The following SLC45A2 variants were observed in gnomAD, a reference collection of about 807,000 sequenced individuals.
The protein encoded by SLC45A2 is membrane-associated transporter protein.
SLC45A2 carries 36 observed loss-of-function variants against 45.5 expected under a neutral mutation model. That is an observed-to-expected ratio of 0.79 (90% CI 0.61 to 1.04). The LOEUF (loss-of-function observed/expected upper bound fraction) is 1.04. Ranked by LOEUF, SLC45A2 falls within the 50% of genes least tolerant of loss-of-function variation. The probability of loss-of-function intolerance (pLI) is 0.00; values close to 1 mark genes in which losing one functional copy is unlikely to be tolerated. For missense variants in SLC45A2, 719 were observed against 671.0 expected, an observed-to-expected ratio of 1.07 and a Z score of -0.79; for synonymous variants, 306 against 269.3, an observed-to-expected ratio of 1.14 and a Z score of -1.33.
At chr5:33,964,316 G>C (rs543328259) in intron 2 of SLC45A2, among the ~76,000 whole-genome samples, 2 of 152,284 alleles carry the variant, frequency 1.3e-5, no homozygotes, top group South Asian at 2.1e-4. Context: ...TGTTCAGGAT[G>C]GGGCCAGACA....
At position 33,982,345 on chromosome 5, in the gene SLC45A2, G is replaced by A. The variant is rs765090898; in HGVS notation, c.453C>T (p.Leu151=). ...CAATGAAGTCGGCAGCAAAATCAAAGAGAACGACACCTATCATGGTGACAC... is the reference window on the plus strand; with the variant it reads ...CAATGAAGTCGGCAGCAAAATCAAAAAGAACGACACCTATCATGGTGACAC... The part of the protein sequence containing the change: ...AISVTMIGVV[L]FDFAADFIDG... Residue 151 remains leucine (L), a synonymous_variant, in exon 2 of 7, where the codon CTC becomes CTT. Coordinates refer to ENST00000296589, the MANE Select transcript of SLC45A2 (RefSeq NM_016180.5). 6.2e-7 allele frequency: 1 copy of A among 1,614,142 alleles called. No homozygotes were observed. Among genetic ancestry groups the A allele is most frequent in the South Asian group, 1.1e-5 (1 of 91,078 alleles).
At chr5:33,981,021 G>A (rs1753058188) in intron 2 of SLC45A2, among the ~76,000 whole-genome samples, 1 of 152,192 alleles carries the variant, frequency 6.6e-6, no homozygotes, top group Non-Finnish European at 1.5e-5. Context: ...CCAGCGGGGT[G>A]GGAGCACCCG....
At chr5:33,962,472 A>C (rs1349924239) in intron 3 of SLC45A2, among the ~76,000 whole-genome samples, 1 of 152,218 alleles carries the variant, frequency 6.6e-6, no homozygotes, top group Non-Finnish European at 1.5e-5. Flanking sequence ...GGAAGGTGAG[A>C]TTCACTGAGC....
intron 2 of SLC45A2, among the ~76,000 whole-genome samples, chr5:33,978,160 T>C (rs576216885): frequency 9.2e-5 from 14 of 152,264 alleles, no homozygotes; most frequent in East Asian, 5.8e-4. Context: ...GTTATAACCC[T>C]TCCCTTTGGA....
At position 33,984,410 on chromosome 5, in the gene SLC45A2, T is replaced by C; in HGVS notation, c.174A>G (p.Pro58=). 2 of 1,613,582 alleles carry C rather than the reference T, an allele frequency of 1.2e-6. No individual in the cohort carries two copies. Among genetic ancestry groups the C allele is most frequent in the Admixed American group, 1.7e-5 (1 of 59,926 alleles). The change falls in exon 1 of 7, where the codon CCA becomes CCG. Residue 58 remains proline, a synonymous_variant. Transcript: ENST00000296589. ...TGGGCAGACCTACGCTGAGCAGGAC[T>C]GGGGTCACATACGCTGCCTCCACCG... ...CYAVEAAYVT[P]VLLSVGLPSS...
intron 2 of SLC45A2, among the ~76,000 whole-genome samples, chr5:33,978,577 T>C (rs1428856619): frequency 6.6e-6 from 1 of 152,238 alleles, no homozygotes; most frequent in African/African-American, 2.4e-5. Flanking sequence ...TTCTGTTGAC[T>C]TCAACTCTTT....
At chr5:33,956,503 C>T (rs779529627) in intron 3 of SLC45A2, among the ~76,000 whole-genome samples, 14 of 152,098 alleles carry the variant, frequency 9.2e-5, no homozygotes, top group South Asian at 2.1e-4. Context: ...TTCTGGAAGG[C>T]CAAAGATTGA....
At chr5:33,948,312 A>G (rs1751998151) in intron 5 of SLC45A2, among the ~76,000 whole-genome samples, 1 of 152,216 alleles carries the variant, frequency 6.6e-6, no homozygotes, top group South Asian at 2.1e-4. Flanking sequence ...AACATTTTAC[A>G]AGGTTTTCTA....
chr5:33,952,272 T>A (rs1311010933), intron 4 of SLC45A2, among the ~76,000 whole-genome samples: 4 of 152,032 alleles, frequency 2.6e-5, no homozygotes, highest in African/African-American at 9.7e-5. Context: ...ATTACAGGCA[T>A]GATCCACCAT....
At chr5:33,952,523 T>C (rs1310909960) in intron 4 of SLC45A2, among the ~76,000 whole-genome samples, 1 of 151,798 alleles carries the variant, frequency 6.6e-6, no homozygotes, top group African/African-American at 2.4e-5. Flanking sequence ...CTGTAGTAAA[T>C]CCAAGTCACA....
intron 3 of SLC45A2, among the ~76,000 whole-genome samples, chr5:33,959,849 A>G (rs1752394199): frequency 1.3e-5 from 2 of 152,192 alleles, no homozygotes; most frequent in Non-Finnish European, 2.9e-5. Flanking sequence ...AAATGAACAG[A>G]GTAAACAATA....
chr5:33,959,196 GT>G lies in SLC45A2; in HGVS notation c.888+4494del, dbSNP rs376290484. Among the ~76,000 whole-genome samples the G allele has an allele frequency of 1.3e-3, 190 of 151,860 alleles. 1 individual carries two copies. The highest frequency in any genetic ancestry group is 4.2e-3 in the African/African-American group (172 of 41,388). ...ATTTCCTTTCCATTTTTTCCTCTAT[GT>G]TATGCAGCTTTGTTTTCTCCCAAAA... On this transcript the variant is annotated intron_variant, in intron 3 of 6. Transcript: ENST00000296589.
At chr5:33,981,729 G>A (rs1017532181) in intron 2 of SLC45A2, among the ~76,000 whole-genome samples, 1 of 152,188 alleles carries the variant, frequency 6.6e-6, no homozygotes, top group Non-Finnish European at 1.5e-5. Flanking sequence ...TTTCTAAGAC[G>A]TTGAGTTTTT....
intron 2 of SLC45A2, among the ~76,000 whole-genome samples, chr5:33,969,529 G>A (rs546182791): frequency 6.6e-6 from 1 of 152,296 alleles, no homozygotes; most frequent in Non-Finnish European, 1.5e-5. Flanking sequence ...TTGCTTTGAG[G>A]ACAGTATGTA....
At chr5:33,972,915 G>C (rs1054575320) in intron 2 of SLC45A2, among the ~76,000 whole-genome samples, 1 of 152,226 alleles carries the variant, frequency 6.6e-6, no homozygotes, top group Non-Finnish European at 1.5e-5. Flanking sequence ...AAAATGGTTT[G>C]AGGTAGTAGG....
chr5:33,972,261 T>C, intron 2 of SLC45A2: 1 of 506,402 alleles, frequency 2.0e-6, no homozygotes, highest in South Asian at 1.5e-5. Flanking sequence ...CTGAATCAAA[T>C]GGATGGATTT....
chr5:33,959,039 C>T (rs927102706), intron 3 of SLC45A2, among the ~76,000 whole-genome samples: 2 of 152,142 alleles, frequency 1.3e-5, no homozygotes, highest in African/African-American at 4.8e-5. Context: ...TTTTAATTTT[C>T]ACTTTCACAT....
At chr5:33,963,662 C>T (rs1471269054) in intron 3 of SLC45A2, 29 bp downstream of exon 3, 5 of 1,608,726 alleles carry the variant, frequency 3.1e-6, no homozygotes, top group Non-Finnish European at 4.3e-6. Context: ...AATATTTTCC[C>T]TTGTAAAGAA....
intron 2 of SLC45A2, among the ~76,000 whole-genome samples, chr5:33,977,107 C>T (rs939289267): frequency 3.3e-5 from 5 of 152,190 alleles, no homozygotes; most frequent in African/African-American, 1.2e-4. Context: ...AAGGAAGAGA[C>T]AGTGAGGGTG....
Sources: gnomAD v4.1 joint callset for allele counts (sites outside exome capture counted in the v4.1 genomes callset) on GRCh38, gnomAD v4.1.1 for gene constraint, MANE v1.5 for transcripts, NCBI Gene and HGNC (gene_info 2026-07-23, HGNC 2026-07-21) for gene names.